PRKG1: variants seen among roughly 807,000 people sequenced by gnomAD.
PRKG1 encodes the protein cGMP-dependent protein kinase 1.
PRKG1 carries 35 observed loss-of-function variants against 88.1 expected under a neutral mutation model. The observed-to-expected ratio is 0.40, with a 90% CI of 0.30 to 0.53. PRKG1 has a LOEUF of 0.53. PRKG1 is among the 20% of genes least tolerant of loss of function. The pLI is 0.59. For missense variants in PRKG1, 540 were observed against 839.8 expected (o/e 0.64, Z 4.41); for synonymous variants, 303 against 292.5 (o/e 1.04, Z -0.37).
chr10:51,453,125 A>G (rs1194419951), intron 2 of PRKG1, among the ~76,000 whole-genome samples: 1 of 151,818 alleles, frequency 6.6e-6, no homozygotes, highest in Non-Finnish European at 1.5e-5. Flanking sequence ...TTTCTGTGGT[A>G]TTGGTTATAA....
At chr10:51,108,531 T>C (rs896191772) in intron 1 of PRKG1, among the ~76,000 whole-genome samples, 6 of 152,160 alleles carry the variant, frequency 3.9e-5, no homozygotes, top group Admixed American at 3.9e-4. Context: ...AAAAACACTA[T>C]ATGATCATCT....
chr10:51,053,930 T>G (rs1467071889), intron 1 of PRKG1, among the ~76,000 whole-genome samples: 3 of 152,168 alleles, frequency 2.0e-5, no homozygotes, highest in African/African-American at 7.2e-5. Flanking sequence ...TAGTGTACTG[T>G]TTTATGTTGA....
chr10:51,631,310 G>T (rs1839520125), intron 3 of PRKG1, among the ~76,000 whole-genome samples: 1 of 152,160 alleles, frequency 6.6e-6, no homozygotes, highest in South Asian at 2.1e-4. Flanking sequence ...AGACAAATGT[G>T]CAGTGCAGGG....
At chr10:51,330,495 A>G (rs1047045231) in intron 2 of PRKG1, among the ~76,000 whole-genome samples, 3 of 152,154 alleles carry the variant, frequency 2.0e-5, no homozygotes, top group Non-Finnish European at 4.4e-5. Context: ...GTAAGCTAGA[A>G]ATATTACAAG....
intron 4 of PRKG1, among the ~76,000 whole-genome samples, chr10:51,836,547 G>C (rs1272779473): frequency 1.3e-5 from 2 of 151,938 alleles, no homozygotes; most frequent in African/African-American, 4.8e-5. Flanking sequence ...CCAGTTTAAG[G>C]TTTTACGTTT....
chr10:51,601,871 CA>C (rs1225376283), intron 3 of PRKG1, among the ~76,000 whole-genome samples: 1 of 150,574 alleles, frequency 6.6e-6, no homozygotes, highest in Non-Finnish European at 1.5e-5. Flanking sequence ...GAGTGGATTC[CA>C]AAATCAGGTT....
chr10:52,102,697 A>G (rs1847325116), intron 7 of PRKG1, among the ~76,000 whole-genome samples: 1 of 122,032 alleles, frequency 8.2e-6, no homozygotes, highest in South Asian at 3.1e-4. Flanking sequence ...ACAGAAGATG[A>G]CTTGATGGAG....
At chr10:52,099,668 A>G (rs1847251390) in intron 7 of PRKG1, among the ~76,000 whole-genome samples, 1 of 152,176 alleles carries the variant, frequency 6.6e-6, no homozygotes, top group South Asian at 2.1e-4. Flanking sequence ...CAAAAGTAAA[A>G]AGTGATACAG....
intron 8 of PRKG1, 107 bp downstream of exon 8, chr10:52,134,012 C>A (rs1837336592): frequency 2.4e-6 from 2 of 839,922 alleles, no homozygotes; most frequent in East Asian, 2.9e-5. Context: ...TGTTTTATAT[C>A]TTTTCATTTT....
intron 9 of PRKG1, among the ~76,000 whole-genome samples, chr10:52,220,472 C>T (rs911846680): frequency 4.6e-5 from 7 of 151,882 alleles, no homozygotes; most frequent in African/African-American, 1.7e-4. Flanking sequence ...TATAGGTAAA[C>T]TTGTGTCATG....
chr10:51,706,718 T>A (rs1175477705), intron 3 of PRKG1, among the ~76,000 whole-genome samples: 3 of 152,150 alleles, frequency 2.0e-5, no homozygotes, highest in Non-Finnish European at 4.4e-5. Flanking sequence ...AATGTCAGAA[T>A]GACTTAGATT....
chr10:51,972,014 C>A (rs757198220), intron 5 of PRKG1, among the ~76,000 whole-genome samples: 7 of 152,094 alleles, frequency 4.6e-5, no homozygotes, highest in Non-Finnish European at 1.0e-4. Context: ...TCTACAGATT[C>A]TTTCAAAGCT....
chr10:51,324,463 G>T (rs977390246), intron 2 of PRKG1, among the ~76,000 whole-genome samples: 1 of 151,768 alleles, frequency 6.6e-6, no homozygotes, highest in African/African-American at 2.4e-5. Flanking sequence ...AGGTTCCATT[G>T]TGGGCCGGGC....
At chr10:52,074,595 A>G (rs1004750064) in intron 7 of PRKG1, among the ~76,000 whole-genome samples, 1 of 152,192 alleles carries the variant, frequency 6.6e-6, no homozygotes, top group Non-Finnish European at 1.5e-5. Flanking sequence ...TTTTCTTGCT[A>G]ATGAACTCAG....
intron 5 of PRKG1, among the ~76,000 whole-genome samples, chr10:51,998,916 A>T (rs1470242882): frequency 6.6e-6 from 1 of 151,968 alleles, no homozygotes; most frequent in East Asian, 1.9e-4. Context: ...GGTGGTGGGA[A>T]CCCCAGAGCA....
At chr10:51,446,075 T>C (rs1005311740) in intron 2 of PRKG1, among the ~76,000 whole-genome samples, 1 of 151,978 alleles carries the variant, frequency 6.6e-6, no homozygotes, top group Non-Finnish European at 1.5e-5. Context: ...TTCTTCACTT[T>C]AGTGATATTC....
At chr10:51,422,973 T>C (rs1235997063) in intron 2 of PRKG1, among the ~76,000 whole-genome samples, 3 of 151,992 alleles carry the variant, frequency 2.0e-5, no homozygotes, top group Non-Finnish European at 2.9e-5. Flanking sequence ...TTTTTTTTTT[T>C]TTCTGAAAAT....
intron 4 of PRKG1, among the ~76,000 whole-genome samples, chr10:51,860,237 A>C (rs555881715): frequency 6.6e-6 from 1 of 152,152 alleles, no homozygotes; most frequent in Admixed American, 6.5e-5. Context: ...ACAACCCTCA[A>C]AGTTTGTGGC....
At chr10:51,939,173 A>G (rs1354165551) in intron 5 of PRKG1, among the ~76,000 whole-genome samples, 12 of 152,054 alleles carry the variant, frequency 7.9e-5, no homozygotes, top group Non-Finnish European at 1.5e-4. Context: ...GTCACCACAC[A>G]TTAATTGCCA....
Sources: gnomAD v4.1 joint callset for allele counts (sites outside exome capture counted in the v4.1 genomes callset) on GRCh38, gnomAD v4.1.1 for gene constraint, MANE v1.5 for transcripts, NCBI Gene and HGNC (gene_info 2026-07-23, HGNC 2026-07-21) for gene names.